The following SYNE1 variants were observed in gnomAD, a reference collection of about 807,000 sequenced individuals.
SYNE1 encodes the protein nesprin-1.
Under a neutral mutation model 1,111.0 loss-of-function variants are expected in SYNE1, and 616 were observed. That is an observed-to-expected ratio of 0.55 (90% CI 0.52 to 0.59). The LOEUF (loss-of-function observed/expected upper bound fraction) is 0.59. Ranked by LOEUF, SYNE1 falls within the 20% of genes least tolerant of loss-of-function variation. The probability of loss-of-function intolerance (pLI) is 0.00; values close to 1 mark genes in which losing one functional copy is unlikely to be tolerated. For synonymous variants in SYNE1, 3,855 were observed against 3,825.8 expected (o/e 1.01, Z -0.28); for missense variants, 10,006 against 10,417.0 (o/e 0.96, Z 1.72).
In SYNE1 at chr6:152,428,394, T is replaced by A; in HGVS notation, c.4789-2A>T. On this transcript the variant is annotated splice_acceptor_variant, in intron 36 of 145. Coordinates refer to ENST00000367255, the MANE Select transcript of SYNE1 (RefSeq NM_182961.4). LOFTEE classifies it high-confidence loss of function. ...TGACTCCAGGGCCTGGCAGAGATCC[T>A]AAGAAGAGTGCGAGAAGAATGCAGT... The A allele has an allele frequency of 1.9e-6, 3 of 1,613,360 alleles. No homozygotes were observed. The highest frequency in any genetic ancestry group is 2.5e-6 in the Non-Finnish European group (3 of 1,179,994).
At chr6:152,601,781 C>A (rs551808165) in intron 3 of SYNE1, among the ~76,000 whole-genome samples, 1 of 152,134 alleles carries the variant, frequency 6.6e-6, no homozygotes, top group South Asian at 2.1e-4. Context: ...AAGATGAGAT[C>A]CCAGCAGTAG....
intron 11 of SYNE1, among the ~76,000 whole-genome samples, chr6:152,493,508 C>A (rs2098982807): frequency 6.6e-6 from 1 of 152,128 alleles, no homozygotes; most frequent in Admixed American, 6.5e-5. Flanking sequence ...TCAGTCAAGC[C>A]CTTTCTCATA....
intron 112 of SYNE1, among the ~76,000 whole-genome samples, chr6:152,233,287 C>A (rs1451919738): frequency 6.6e-6 from 1 of 152,058 alleles, no homozygotes; most frequent in Non-Finnish European, 1.5e-5. Flanking sequence ...TTAAAGAAAC[C>A]CTCAGAGGAA....
At chr6:152,582,004 A>C (rs916457074) in intron 3 of SYNE1, among the ~76,000 whole-genome samples, 3 of 151,968 alleles carry the variant, frequency 2.0e-5, no homozygotes, top group Non-Finnish European at 4.4e-5. Context: ...CAGTACTCAA[A>C]ACTTTTTCCA....
At chr6:152,254,105 T>G (rs2090212152) in intron 104 of SYNE1, among the ~76,000 whole-genome samples, 1 of 151,882 alleles carries the variant, frequency 6.6e-6, no homozygotes, top group African/African-American at 2.4e-5. Flanking sequence ...TAAAAGGCAG[T>G]AAGTCTGAGG....
chr6:152,258,962 C>T (rs577072432), intron 101 of SYNE1, among the ~76,000 whole-genome samples: 4 of 152,194 alleles, frequency 2.6e-5, no homozygotes, highest in African/African-American at 9.6e-5. Flanking sequence ...CCAGGCTGGT[C>T]TTGAACTCCT....
intron 130 of SYNE1, among the ~76,000 whole-genome samples, chr6:152,173,241 T>C (rs1006366422): frequency 6.6e-6 from 1 of 152,254 alleles, no homozygotes; most frequent in Non-Finnish European, 1.5e-5. Context: ...TCTATTTTTA[T>C]GTATGTAATA....
intron 9 of SYNE1, 78 bp from the exon 10 acceptor site, chr6:152,502,820 T>C: frequency 8.9e-7 from 1 of 1,126,880 alleles, no homozygotes; most frequent in Non-Finnish European, 1.3e-6. Context: ...GGTATCTAGC[T>C]ATCACACCAA....
In SYNE1 at chr6:152,520,469, T is replaced by G; in HGVS notation, c.299A>C (p.Glu100Ala). The G allele has an allele frequency of 1.2e-6, 2 of 1,613,548 alleles. No individual in the cohort carries two copies. Among genetic ancestry groups the G allele is most frequent in the East Asian group, 2.2e-5 (1 of 44,854 alleles). The change falls in exon 6 of 146, where the codon GAA becomes GCA. Residue 100 changes from glutamate to alanine, a missense_variant. Physicochemically the swap from Glu to Ala is moderately radical, Grantham distance 107 (BLOSUM62 -1). This residue lies in a region of SYNE1 where 1,971 missense variants were observed against 2,084.1 expected (regional missense o/e 0.95). Transcript: ENST00000367255. Reference protein sequence around the residue: ...ANIGTALKFLEGRKIKLVNIN... With the variant: ...ANIGTALKFLAGRKIKLVNIN... ...TTGTTTCTCTCTTACCTTTCTTCCT[T>G]CGAGGAACTTGAGTGCCGTGCCAAT... is the stretch of plus-strand genomic sequence containing the variant.
Position 152,436,034 on chromosome 6 carries a change from A to G in SYNE1, c.4217T>C (p.Ile1406Thr). 2 of 1,614,140 alleles carry G rather than the reference A, an allele frequency of 1.2e-6. No individual in the cohort carries two copies. The highest frequency in any genetic ancestry group is 1.7e-6 in the Non-Finnish European group (2 of 1,180,010). Residue 1406 changes from isoleucine to threonine, a missense_variant, in exon 33 of 146, where the codon ATA becomes ACA. Ile to Thr is a moderately conservative substitution (Grantham distance 89). This residue lies in a region of SYNE1 where 1,971 missense variants were observed against 2,084.1 expected (regional missense o/e 0.95). Transcript: ENST00000367255. ...AENLVKEASE[I>T]PLGPQNKQLL... ...CTGCTTATTTTGGGGCCCAAGCGGT[A>G]TCTCTGAAGCTTCCTTTACAAGGTT...
In SYNE1 at chr6:152,135,002, T is replaced by TAAAAAAAAG. The variant is rs1554386807; in HGVS notation, c.25788+101_25788+102insCTTTTTTTT. Reference sequence around the variant, plus strand: ...AAGTAGAGACTATAATGCAAAAAGTTAAAAAAAAAGAAACAACACTTACCA... The same window carrying TAAAAAAAAG: ...AAGTAGAGACTATAATGCAAAAAGTTAAAAAAAAGAAAAAAAAAGAAACAACACTTACCA... On this transcript the variant is annotated intron_variant, in intron 142 of 145. Transcript: ENST00000367255. 7 of 1,520,694 alleles carry TAAAAAAAAG rather than the reference T, an allele frequency of 4.6e-6. No homozygotes were observed. The Admixed American group carries it at 1.2e-4, about 27-fold the overall frequency. 94.2% of individuals were successfully genotyped at this position (1,520,694 alleles called of 1,614,324 possible). A position where few individuals can be genotyped will look rare whatever the true frequency, so the allele number is the denominator to read the frequency against.
chr6:152,511,770 T>C (rs1183495246), intron 6 of SYNE1, among the ~76,000 whole-genome samples: 3 of 152,194 alleles, frequency 2.0e-5, no homozygotes, highest in Non-Finnish European at 4.4e-5. Context: ...CCTATTAGCA[T>C]TCAGTTCCCT....
chr6:152,338,276 C>T (rs2096451475), intron 75 of SYNE1, among the ~76,000 whole-genome samples: 1 of 152,068 alleles, frequency 6.6e-6, no homozygotes, highest in African/African-American at 2.4e-5. Context: ...TTTTACTGTT[C>T]TGTGAATATT....
Position 152,325,926 on chromosome 6 carries a change from A to C in SYNE1, c.15438+32T>G, listed in dbSNP as rs369930298. ...AAAGACTCATTATAATTATAGAAAA[A>C]GGATTTTTTTTAAATGGCCCAAAAC... On this transcript the variant is annotated intron_variant, in intron 80 of 145. Coordinates refer to ENST00000367255, the MANE Select transcript of SYNE1 (RefSeq NM_182961.4). The C allele has an allele frequency of 2.5e-6, 4 of 1,613,444 alleles. No homozygotes were observed. In the African/African-American group the frequency reaches 5.3e-5, roughly 22 times the overall value.
intron 95 of SYNE1, among the ~76,000 whole-genome samples, chr6:152,290,092 A>G (rs1484242388): frequency 6.6e-6 from 1 of 152,182 alleles, no homozygotes; most frequent in African/African-American, 2.4e-5. Context: ...AACAAAACAA[A>G]ACAAAATAAC....
At chr6:152,501,495 G>A (rs1202726131) in intron 10 of SYNE1, among the ~76,000 whole-genome samples, 4 of 152,180 alleles carry the variant, frequency 2.6e-5, no homozygotes, top group Non-Finnish European at 4.4e-5. Flanking sequence ...AGCACTTTGG[G>A]AGGCAGAGGC....
chr6:152,473,072 C>A (rs2098815581), intron 14 of SYNE1, among the ~76,000 whole-genome samples: 1 of 152,114 alleles, frequency 6.6e-6, no homozygotes, highest in Non-Finnish European at 1.5e-5. Context: ...TAATTTGAAT[C>A]TTCTTTGATT....
At chr6:152,145,184 G>A in intron 137 of SYNE1, 1 of 411,860 alleles carries the variant, frequency 2.4e-6, no homozygotes, top group Non-Finnish European at 4.6e-6. Flanking sequence ...CTAGGGCGCA[G>A]AGGCTGATGA....
intron 3 of SYNE1, among the ~76,000 whole-genome samples, chr6:152,602,736 CT>C (rs2099599105): frequency 6.6e-6 from 1 of 152,028 alleles, no homozygotes; most frequent in Non-Finnish European, 1.5e-5. Context: ...GTTGCTTCCT[CT>C]TTTTATTCAT....
Sources: allele counts gnomAD v4.1 joint callset (sites outside exome capture counted in the v4.1 genomes callset), GRCh38; gene constraint gnomAD v4.1.1; regional missense constraint gnomAD v4.1.1; transcripts MANE v1.5; gene names NCBI Gene and HGNC (gene_info 2026-07-23, HGNC 2026-07-21).